The following NEK11 variants were observed in gnomAD, a reference collection of about 807,000 sequenced individuals.
The protein encoded by NEK11 is serine/threonine-protein kinase Nek11.
Under a neutral mutation model 80.7 loss-of-function variants are expected in NEK11, and 72 were observed. That is an observed-to-expected ratio of 0.89 (90% CI 0.74 to 1.08). The LOEUF (loss-of-function observed/expected upper bound fraction) is 1.08. Among genes scored for constraint, NEK11 ranks in the 50% least tolerant of loss-of-function variants. NEK11 has a pLI of 0.00. For missense variants in NEK11, 764 were observed against 763.6 expected (o/e 1.00, Z -0.01); for synonymous variants, 251 against 260.7 (o/e 0.96, Z 0.36).
intron 14 of NEK11, among the ~76,000 whole-genome samples, chr3:131,211,388 G>A (rs924614291): frequency 6.6e-6 from 1 of 152,082 alleles, no homozygotes; most frequent in Admixed American, 6.5e-5. Flanking sequence ...TTTCTCTCTG[G>A]CTGCCCTTAA....
intron 17 of NEK11, among the ~76,000 whole-genome samples, chr3:131,318,331 A>G (rs1392134433): frequency 3.9e-5 from 6 of 152,234 alleles, no homozygotes. Flanking sequence ...ACTTTCATAC[A>G]GAAGAGAATG....
chr3:131,238,966 A>C (rs2095479054), intron 15 of NEK11, among the ~76,000 whole-genome samples: 1 of 152,142 alleles, frequency 6.6e-6, no homozygotes, highest in Non-Finnish European at 1.5e-5. Flanking sequence ...AAAACTACAA[A>C]AAAACTACAA....
intron 16 of NEK11, among the ~76,000 whole-genome samples, chr3:131,256,135 T>G (rs2095811654): frequency 6.6e-6 from 1 of 152,146 alleles, no homozygotes; most frequent in African/African-American, 2.4e-5. Flanking sequence ...ATTTCGGTAT[T>G]CTATTGCACA....
chr3:131,314,983 ACTT>A (rs953935637), intron 17 of NEK11, among the ~76,000 whole-genome samples: 29 of 152,300 alleles, frequency 1.9e-4, no homozygotes, highest in African/African-American at 4.8e-4. Flanking sequence ...ATTTTATTTC[ACTT>A]CTTTTTTATT....
chr3:131,194,133 T>C (rs889945194), intron 14 of NEK11, among the ~76,000 whole-genome samples: 2 of 152,210 alleles, frequency 1.3e-5, no homozygotes, highest in African/African-American at 4.8e-5. Context: ...TATCTTTAGA[T>C]GGATTGCTCT....
intron 3 of NEK11, among the ~76,000 whole-genome samples, chr3:131,043,919 G>A (rs1353794488): frequency 6.6e-6 from 1 of 152,180 alleles, no homozygotes; most frequent in African/African-American, 2.4e-5. Context: ...AGACCTCTCT[G>A]CAGAAACCCT....
intron 7 of NEK11, 31 bp from the exon 8 acceptor site, chr3:131,152,357 C>T: frequency 1.3e-6 from 2 of 1,559,674 alleles, no homozygotes; most frequent in Non-Finnish European, 1.7e-6. Flanking sequence ...GATATTTGTT[C>T]CTTATTTAAA....
At chr3:131,348,010 A>G (rs1185611162) in intron 17 of NEK11, among the ~76,000 whole-genome samples, 4 of 152,148 alleles carry the variant, frequency 2.6e-5, no homozygotes, top group Non-Finnish European at 5.9e-5. Flanking sequence ...AGTCACACAA[A>G]TATTTATACA....
intron 4 of NEK11, among the ~76,000 whole-genome samples, chr3:131,106,543 T>C (rs1425431660): frequency 6.6e-6 from 1 of 152,162 alleles, no homozygotes; most frequent in Non-Finnish European, 1.5e-5. Flanking sequence ...GTTGTGCATC[T>C]GTATTATACT....
intron 17 of NEK11, among the ~76,000 whole-genome samples, chr3:131,347,377 G>A (rs2097378868): frequency 6.6e-6 from 1 of 152,212 alleles, no homozygotes; most frequent in Non-Finnish European, 1.5e-5. Context: ...AAGGGCTATA[G>A]AAATGTTAGT....
At chr3:131,266,566 A>G (rs138988714) in intron 16 of NEK11, among the ~76,000 whole-genome samples, 2,711 of 152,336 alleles carry the variant, frequency 0.018, 80 homozygotes, top group African/African-American at 0.061. Context: ...GTGGTCTGAG[A>G]AACTGTTTGT....
intron 14 of NEK11, among the ~76,000 whole-genome samples, chr3:131,226,881 TACAG>T (rs1359200399): frequency 3.3e-5 from 5 of 152,062 alleles, no homozygotes; most frequent in East Asian, 1.9e-4. Context: ...TATGTGTACA[TACAG>T]ACACGTGCAG....
intron 7 of NEK11, among the ~76,000 whole-genome samples, chr3:131,149,139 C>T (rs909442175): frequency 6.6e-6 from 1 of 151,938 alleles, no homozygotes; most frequent in Non-Finnish European, 1.5e-5. Flanking sequence ...CCTCAACCTC[C>T]TCCTCTCCCT....
intron 7 of NEK11, among the ~76,000 whole-genome samples, chr3:131,134,831 G>C (rs2085244562): frequency 6.6e-6 from 1 of 152,198 alleles, no homozygotes; most frequent in Non-Finnish European, 1.5e-5. Flanking sequence ...TCTCACTGCA[G>C]AAGCCATGTG....
chr3:131,033,518 T>C (rs1391110176), intron 3 of NEK11, among the ~76,000 whole-genome samples: 1 of 152,232 alleles, frequency 6.6e-6, no homozygotes, highest in Non-Finnish European at 1.5e-5. Context: ...ACAATAAGTT[T>C]GTAGGACTTA....
At chr3:131,321,547 T>C (rs1462007460) in intron 17 of NEK11, among the ~76,000 whole-genome samples, 1 of 152,086 alleles carries the variant, frequency 6.6e-6, no homozygotes, top group East Asian at 1.9e-4. Context: ...AAAGAAACTA[T>C]CAACAGAGTA....
chr3:131,132,969 T>G (rs1443506519), intron 6 of NEK11, among the ~76,000 whole-genome samples, 160 bp downstream of exon 6: 1 of 152,076 alleles, frequency 6.6e-6, no homozygotes, highest in African/African-American at 2.4e-5. Flanking sequence ...AAATGAACAC[T>G]AAATTTCTCA....
intron 16 of NEK11, among the ~76,000 whole-genome samples, chr3:131,246,875 G>A (rs764324830): frequency 6.6e-6 from 1 of 151,972 alleles, no homozygotes. Flanking sequence ...GTGATGTTGA[G>A]CATTTTTTCA....
At chr3:131,136,254 G>A (rs1349702258) in intron 7 of NEK11, among the ~76,000 whole-genome samples, 1 of 152,146 alleles carries the variant, frequency 6.6e-6, no homozygotes, top group African/African-American at 2.4e-5. Context: ...CAGAATCAAA[G>A]TGGGCTTATC....
Sources: allele counts gnomAD v4.1 joint callset (sites outside exome capture counted in the v4.1 genomes callset), GRCh38; gene constraint gnomAD v4.1.1; transcripts MANE v1.5; gene names NCBI Gene and HGNC (gene_info 2026-07-23, HGNC 2026-07-21).